Variants in FBLN2 observed in about 807,000 individuals in gnomAD.
FBLN2 encodes fibulin 2, also known as fibulin-2.
In FBLN2, 81 loss-of-function variants were observed where a neutral mutation model predicts 123.7. The ratio of observed to expected loss-of-function variants is 0.65; its 90% CI spans 0.55 to 0.79. The LOEUF is 0.79. Ranked by LOEUF, FBLN2 falls within the 30% of genes least tolerant of loss-of-function variation. The pLI, the probability that FBLN2 is intolerant of heterozygous loss-of-function variation, is 0.00. For missense variants in FBLN2, 1,603 were observed against 1,681.3 expected, an observed-to-expected ratio of 0.95 and a Z score of 0.81; for synonymous variants, 699 against 701.4, an observed-to-expected ratio of 1.00 and a Z score of 0.05.
intron 2 of FBLN2, among the ~76,000 whole-genome samples, chr3:13,582,856 G>A (rs956739991): frequency 1.3e-5 from 2 of 152,232 alleles, no homozygotes; most frequent in African/African-American, 4.8e-5. Flanking sequence ...AGAGGGCTTT[G>A]TGTTCTTGTT....
At chr3:13,608,384 G>A (rs1269311002) in intron 3 of FBLN2, among the ~76,000 whole-genome samples, 1 of 152,248 alleles carries the variant, frequency 6.6e-6, no homozygotes. Flanking sequence ...GAACAAACCA[G>A]CCACATAAAT....
In FBLN2 at chr3:13,623,683, C is replaced by T. The variant is rs955620931; in HGVS notation, c.2296+1768C>T. 3.3e-5 allele frequency among the ~76,000 whole-genome samples: 5 copies of T among 152,308 alleles called. No homozygotes were observed. The South Asian group carries it at 1.0e-3, about 32-fold the overall frequency. On this transcript the variant is annotated intron_variant, in intron 9 of 17. Transcript: ENST00000404922. Reference sequence around the variant, plus strand: ...TCAAGAGTGTGGCCTTTGCAGCCAGCCTGCCTGCCTGTGCTGAAATCCTGG... The same window carrying T: ...TCAAGAGTGTGGCCTTTGCAGCCAGTCTGCCTGCCTGTGCTGAAATCCTGG...
chr3:13,626,951 A>C (rs1318286538), intron 10 of FBLN2, among the ~76,000 whole-genome samples: 1 of 151,984 alleles, frequency 6.6e-6, no homozygotes, highest in Non-Finnish European at 1.5e-5. Context: ...CTAGCCTTCT[A>C]ATCAGAGGGA....
chr3:13,623,612 C>G (rs1304958475), intron 9 of FBLN2, among the ~76,000 whole-genome samples: 1 of 152,222 alleles, frequency 6.6e-6, no homozygotes, highest in Non-Finnish European at 1.5e-5. Flanking sequence ...TTGCTCTGCA[C>G]TTGTTTATTA....
Position 13,571,280 on chromosome 3 carries a change from A to T in FBLN2, c.925A>T (p.Thr309Ser), listed in dbSNP as rs966710574. 6.4e-7 allele frequency: 1 copy of T among 1,573,232 alleles called. No homozygotes were observed. The highest frequency in any genetic ancestry group is 1.9e-5 in the Admixed American group (1 of 52,896). ...GGHRGLDGLP[T>S]TAPAGPSLPI... The stretch of plus-strand genomic sequence containing the variant: ...CCACAGGGGGCTGGATGGGCTGCCC[A>T]CTACAGCCCCAGCTGGACCCAGTCT... Residue 309 changes from threonine (T) to serine (S), a missense_variant, in exon 2 of 18, where the codon ACT becomes TCT. Physicochemically the swap from Thr to Ser is moderately conservative, Grantham distance 58 (BLOSUM62 1). Transcript: ENST00000404922.
chr3:13,622,387 G>C (rs940371847), intron 9 of FBLN2, among the ~76,000 whole-genome samples: 1 of 152,206 alleles, frequency 6.6e-6, no homozygotes, highest in Admixed American at 6.5e-5. Context: ...ACATGTATGT[G>C]GGGTAGCACA....
At chr3:13,614,931 T>C (rs1190927140) in intron 5 of FBLN2, among the ~76,000 whole-genome samples, 12 of 150,518 alleles carry the variant, frequency 8.0e-5, no homozygotes, top group Non-Finnish European at 1.8e-4. Context: ...CATCCATCCA[T>C]CCATCCATCC....
At chr3:13,623,600 G>T (rs1705929414) in intron 9 of FBLN2, among the ~76,000 whole-genome samples, 1 of 152,184 alleles carries the variant, frequency 6.6e-6, no homozygotes, top group Admixed American at 6.5e-5. Flanking sequence ...CAGTTCATTT[G>T]TTTGCTCTGC....
At chr3:13,557,223 C>T (rs1477998520) in intron 1 of FBLN2, among the ~76,000 whole-genome samples, 1 of 152,228 alleles carries the variant, frequency 6.6e-6, no homozygotes, top group African/African-American at 2.4e-5. Context: ...GAGCCATTCC[C>T]TGAGCCTGGG....
At chr3:13,620,343 G>A (rs555268746) in intron 8 of FBLN2, among the ~76,000 whole-genome samples, 6 of 152,198 alleles carry the variant, frequency 3.9e-5, no homozygotes, top group African/African-American at 1.4e-4. Flanking sequence ...TGGGTGGAGA[G>A]GGGGAAGGGG....
chr3:13,614,576 G>GTCCATCCA (rs747826390), intron 5 of FBLN2, among the ~76,000 whole-genome samples: 2,760 of 142,862 alleles, frequency 0.019, 90 homozygotes, highest in African/African-American at 0.065. Context: ...CCCATCATCT[G>GTCCATCCA]TCCATCCATC....
chr3:13,636,504 ATCC>A lies in FBLN2; in HGVS notation c.3275_3277del (p.Ile1092_Gln1093delinsLys), dbSNP rs1375865808. ...TTCCGAGGCTGAGACCTGCCACAACATCCAGGGTAGCTTCCGCTGCCTGCGCTT... is the reference window on the plus strand; with the variant it reads ...TTCCGAGGCTGAGACCTGCCACAACAAGGGTAGCTTCCGCTGCCTGCGCTT... On this transcript the variant is annotated inframe_deletion, in exon 17 of 18. Coordinates refer to ENST00000404922, the MANE Select transcript of FBLN2 (RefSeq NM_001004019.2). The A allele has an allele frequency of 6.2e-7, 1 of 1,613,810 alleles. No homozygotes were observed. The highest frequency in any genetic ancestry group is 2.2e-5 in the East Asian group (1 of 44,880).
At chr3:13,619,617 A>AG in intron 7 of FBLN2, 113 bp from the exon 8 acceptor site, 4 of 799,200 alleles carry the variant, frequency 5.0e-6, no homozygotes, top group Non-Finnish European at 6.1e-6. Flanking sequence ...CCTGCCTTCT[A>AG]GGGGCCTTGT....
At chr3:13,622,997 C>A (rs1005651582) in intron 9 of FBLN2, among the ~76,000 whole-genome samples, 4 of 152,232 alleles carry the variant, frequency 2.6e-5, no homozygotes, top group Non-Finnish European at 5.9e-5. Flanking sequence ...GGCATGTGAC[C>A]AGAGCCCCGT....
rs201725233 is a variant in FBLN2, at chr3:13,637,667, G to A, written c.3444G>A (p.Ala1148=). Residue 1148 remains alanine (A), a synonymous_variant, in exon 18 of 18, where the codon GCG becomes GCA. Coordinates refer to ENST00000404922, the MANE Select transcript of FBLN2 (RefSeq NM_001004019.2). The stretch of plus-strand genomic sequence containing the variant: ...TCCAGACGGGCCTCCTGGTGCCTGC[G>A]CATATCTTCCGCATTGGCCCCGCGC... ...LNFQTGLLVP[A]HIFRIGPAPA... is the part of the protein sequence containing the mutation. 5.6e-5 allele frequency: 90 copies of A among 1,613,840 alleles called. No homozygotes were observed. The African/African-American group carries it at 8.7e-4, about 16-fold the overall frequency.
At chr3:13,598,173 C>G (rs1704907999) in intron 2 of FBLN2, among the ~76,000 whole-genome samples, 1 of 152,212 alleles carries the variant, frequency 6.6e-6, no homozygotes, top group African/African-American at 2.4e-5. Context: ...TTTGTCTGCC[C>G]CTTTGTTAAT....
intron 2 of FBLN2, among the ~76,000 whole-genome samples, chr3:13,587,786 A>G (rs138768613): frequency 1.5e-3 from 227 of 152,336 alleles, no homozygotes; most frequent in African/African-American, 5.3e-3. Context: ...ATTCCTTTCT[A>G]TTGATCCCAG....
At position 13,589,220 on chromosome 3, in the gene FBLN2, A is replaced by G. The variant is rs1488794438; in HGVS notation, c.1306+17559A>G. Among the ~76,000 whole-genome samples the G allele has an allele frequency of 2.0e-5, 3 of 152,234 alleles. No homozygotes were observed. In the East Asian group the frequency reaches 5.8e-4, roughly 29 times the overall value. On this transcript the variant is annotated intron_variant, in intron 2 of 17. Transcript: ENST00000404922. ...ATAGAGTTGGCCCCTAGACATCGCAACAAAAATAACCCATGAAAATGCGGA... is the reference window on the plus strand; with the variant it reads ...ATAGAGTTGGCCCCTAGACATCGCAGCAAAAATAACCCATGAAAATGCGGA...
chr3:13,556,602 G>A (rs1245827339), intron 1 of FBLN2, among the ~76,000 whole-genome samples: 1 of 152,204 alleles, frequency 6.6e-6, no homozygotes, highest in Admixed American at 6.5e-5. Flanking sequence ...AACACCAGCT[G>A]CCAGTCCCTG....
Sources: allele counts gnomAD v4.1 joint callset (sites outside exome capture counted in the v4.1 genomes callset), GRCh38; gene constraint gnomAD v4.1.1; transcripts MANE v1.5; gene names NCBI Gene and HGNC (gene_info 2026-07-23, HGNC 2026-07-21).